The following KCNB2 variants were observed in gnomAD, a reference collection of about 807,000 sequenced individuals.
The protein encoded by KCNB2 is potassium voltage-gated channel subfamily B member 2.
A neutral mutation model predicts 61.5 loss-of-function variants in KCNB2; 15 were observed. That is an observed-to-expected ratio of 0.24 (90% CI 0.16 to 0.38). The LOEUF is 0.38. Among genes scored for constraint, KCNB2 ranks in the 10% least tolerant of loss-of-function variants. KCNB2 has a pLI of 1.00. For missense variants in KCNB2, 828 were observed against 1,125.2 expected (o/e 0.74, Z 3.78); for synonymous variants, 457 against 446.0 (o/e 1.02, Z -0.31).
At chr8:72,903,259 C>G (rs1358506476) in intron 2 of KCNB2, among the ~76,000 whole-genome samples, 1 of 152,052 alleles carries the variant, frequency 6.6e-6, no homozygotes, top group African/African-American at 2.4e-5. Flanking sequence ...AGGGAAAGAG[C>G]CTGATACTGG....
At chr8:72,835,683 G>C (rs1035279288) in intron 2 of KCNB2, among the ~76,000 whole-genome samples, 2 of 152,188 alleles carry the variant, frequency 1.3e-5, no homozygotes, top group African/African-American at 4.8e-5. Flanking sequence ...GGCACAAGTT[G>C]AAAATTCACA....
intron 2 of KCNB2, among the ~76,000 whole-genome samples, chr8:72,598,486 C>G (rs1377426672): frequency 2.6e-5 from 4 of 152,162 alleles, no homozygotes; most frequent in African/African-American, 9.7e-5. Flanking sequence ...AGACCTACAG[C>G]CAATATCATA....
intron 2 of KCNB2, among the ~76,000 whole-genome samples, chr8:72,695,594 GATTC>G (rs1459962130): frequency 2.0e-5 from 3 of 152,104 alleles, no homozygotes; most frequent in Admixed American, 1.3e-4. Flanking sequence ...CATCTCCTCT[GATTC>G]ATTCATGATC....
chr8:72,726,220 G>A (rs995070317), intron 2 of KCNB2, among the ~76,000 whole-genome samples: 1 of 152,182 alleles, frequency 6.6e-6, no homozygotes, highest in Admixed American at 6.5e-5. Flanking sequence ...ATCTCATCCT[G>A]CCATGTGAGA....
intron 2 of KCNB2, among the ~76,000 whole-genome samples, chr8:72,731,035 A>G (rs1245039926): frequency 6.6e-6 from 1 of 152,204 alleles, no homozygotes; most frequent in Non-Finnish European, 1.5e-5. Context: ...ACTAAGGGCT[A>G]GGAAATGATT....
At chr8:72,755,013 A>G (rs1164769518) in intron 2 of KCNB2, among the ~76,000 whole-genome samples, 1 of 152,180 alleles carries the variant, frequency 6.6e-6, no homozygotes, top group African/African-American at 2.4e-5. Context: ...AGTTGGTAGA[A>G]GATACTCTTG....
intron 2 of KCNB2, among the ~76,000 whole-genome samples, chr8:72,603,840 G>C (rs1805403081): frequency 6.6e-6 from 1 of 152,146 alleles, no homozygotes; most frequent in Admixed American, 6.6e-5. Flanking sequence ...ACAATGTAAA[G>C]AGACACAGGG....
intron 2 of KCNB2, among the ~76,000 whole-genome samples, chr8:72,909,877 A>G (rs1806255553): frequency 6.6e-6 from 1 of 152,264 alleles, no homozygotes; most frequent in Non-Finnish European, 1.5e-5. Flanking sequence ...TTAGTGCCAG[A>G]GGAAAGATGG....
chr8:72,759,432 G>C (rs917114140), intron 2 of KCNB2, among the ~76,000 whole-genome samples: 1 of 152,190 alleles, frequency 6.6e-6, no homozygotes, highest in Non-Finnish European at 1.5e-5. Flanking sequence ...CTTGCTGTAT[G>C]TTAATAGGTG....
At chr8:72,919,676 C>T (rs1376355831) in intron 2 of KCNB2, among the ~76,000 whole-genome samples, 1 of 152,134 alleles carries the variant, frequency 6.6e-6, no homozygotes, top group Non-Finnish European at 1.5e-5. Flanking sequence ...AAGTGAGGAT[C>T]CCTAGCTTGA....
chr8:72,873,896 C>T (rs1451924142), intron 2 of KCNB2, among the ~76,000 whole-genome samples: 1 of 152,242 alleles, frequency 6.6e-6, no homozygotes, highest in East Asian at 1.9e-4. Context: ...GTGAACAGAG[C>T]TCCTCCTATG....
intron 2 of KCNB2, among the ~76,000 whole-genome samples, chr8:72,686,060 A>G (rs1367072542): frequency 6.6e-6 from 1 of 152,270 alleles, no homozygotes; most frequent in African/African-American, 2.4e-5. Context: ...ACATAAGTTC[A>G]AGATGCCTGA....
intron 2 of KCNB2, among the ~76,000 whole-genome samples, chr8:72,586,047 A>T (rs1806996521): frequency 6.6e-6 from 1 of 152,218 alleles, no homozygotes; most frequent in Non-Finnish European, 1.5e-5. Flanking sequence ...ATTCCTAAAA[A>T]ATGACATGGT....
chr8:72,587,601 G>A (rs944405241), intron 2 of KCNB2, among the ~76,000 whole-genome samples: 15 of 152,190 alleles, frequency 9.9e-5, no homozygotes, highest in African/African-American at 3.6e-4. Flanking sequence ...ATGGTGTCCT[G>A]TGCCTGCAGT....
chr8:72,917,511 G>C (rs1239424992), intron 2 of KCNB2, among the ~76,000 whole-genome samples: 3 of 152,204 alleles, frequency 2.0e-5, no homozygotes, highest in African/African-American at 7.2e-5. Flanking sequence ...GACCTAGTCA[G>C]TAAATCAACT....
At position 72,822,495 on chromosome 8, in the gene KCNB2, G is replaced by A. The variant is rs774914042; in HGVS notation, c.580-113440G>A. ...GTGTTCTGATCTTTCATAGAAAGAA[G>A]CAAGCACAGTCAGCATCTCTCACTC... On this transcript the variant is annotated intron_variant, in intron 2 of 2. Transcript: ENST00000523207. 5.5e-4 allele frequency among the ~76,000 whole-genome samples: 84 copies of A among 152,200 alleles called. 2 individuals carry two copies. Among genetic ancestry groups the A allele is most frequent in the South Asian group, 4.1e-4 (2 of 4,832 alleles).
At chr8:72,896,415 A>C (rs1030325308) in intron 2 of KCNB2, among the ~76,000 whole-genome samples, 1 of 152,154 alleles carries the variant, frequency 6.6e-6, no homozygotes, top group South Asian at 2.1e-4. Context: ...TAAGGCCAAC[A>C]CTAAATGATA....
chr8:72,627,563 A>G (rs980105110), intron 2 of KCNB2, among the ~76,000 whole-genome samples: 1 of 152,234 alleles, frequency 6.6e-6, no homozygotes, highest in Non-Finnish European at 1.5e-5. Context: ...TTTTTTATGC[A>G]TGATTTTTAT....
chr8:72,860,981 T>C (rs899353504), intron 2 of KCNB2, among the ~76,000 whole-genome samples: 1 of 152,210 alleles, frequency 6.6e-6, no homozygotes, highest in Non-Finnish European at 1.5e-5. Context: ...CTTTACAAAA[T>C]ATAAAGCATA....
Sources: gnomAD v4.1 joint callset for allele counts (sites outside exome capture counted in the v4.1 genomes callset) on GRCh38, gnomAD v4.1.1 for gene constraint, MANE v1.5 for transcripts, NCBI Gene and HGNC (gene_info 2026-07-23, HGNC 2026-07-21) for gene names.